The following NAALADL2 variants were observed in gnomAD, a reference collection of about 807,000 sequenced individuals.
NAALADL2 encodes the protein inactive N-acetylated-alpha-linked acidic dipeptidase-like protein 2.
Under a neutral mutation model 87.2 loss-of-function variants are expected in NAALADL2, and 76 were observed. The ratio of observed to expected loss-of-function variants is 0.87; its 90% CI spans 0.72 to 1.05. NAALADL2 has a LOEUF of 1.05. NAALADL2 is among the 50% of genes least tolerant of loss of function. The pLI, the probability that NAALADL2 is intolerant of heterozygous loss-of-function variation, is 0.00. For synonymous variants in NAALADL2, 354 were observed against 331.0 expected, an observed-to-expected ratio of 1.07 and a Z score of -0.75; for missense variants, 1,089 against 945.8, an observed-to-expected ratio of 1.15 and a Z score of -1.99.
At chr3:174,852,226 A>T (rs992697118) in intron 3 of NAALADL2, among the ~76,000 whole-genome samples, 1 of 152,130 alleles carries the variant, frequency 6.6e-6, no homozygotes, top group Non-Finnish European at 1.5e-5. Context: ...TGCCAGAACA[A>T]TTAGACAAGA....
At chr3:175,572,723 A>G (rs1326797108) in intron 9 of NAALADL2, among the ~76,000 whole-genome samples, 1 of 152,218 alleles carries the variant, frequency 6.6e-6, no homozygotes, top group Non-Finnish European at 1.5e-5. Flanking sequence ...TTCAGAAATA[A>G]CAGGCTGAGG....
At chr3:175,274,055 T>C (rs1016020419) in intron 4 of NAALADL2, among the ~76,000 whole-genome samples, 7 of 152,212 alleles carry the variant, frequency 4.6e-5, no homozygotes, top group African/African-American at 1.4e-4. Flanking sequence ...GTTCTCATAC[T>C]GCTAATAAAG....
intron 5 of NAALADL2, among the ~76,000 whole-genome samples, chr3:175,343,075 T>C (rs1762729855): frequency 6.6e-6 from 1 of 152,100 alleles, no homozygotes; most frequent in Non-Finnish European, 1.5e-5. Flanking sequence ...TAGCAGCCAC[T>C]ATTCTTTCTC....
chr3:174,836,312 C>T (rs567527247), intron 3 of NAALADL2, among the ~76,000 whole-genome samples: 5 of 151,988 alleles, frequency 3.3e-5, no homozygotes, highest in Admixed American at 1.3e-4. Context: ...AGTAGAAGGG[C>T]GTTACTGTAG....
At chr3:174,527,448 G>A (rs978707855) in intron 1 of NAALADL2, among the ~76,000 whole-genome samples, 57 of 151,898 alleles carry the variant, frequency 3.8e-4, no homozygotes, top group African/African-American at 1.2e-3. Context: ...GAATCTGGGA[G>A]GCAGAGGTTG....
chr3:175,694,058 T>C (rs1173483678), intron 11 of NAALADL2, among the ~76,000 whole-genome samples: 1 of 152,186 alleles, frequency 6.6e-6, no homozygotes, highest in Non-Finnish European at 1.5e-5. Context: ...TTTTAAAATG[T>C]CTACAAATGC....
At chr3:175,124,987 A>T (rs9850494) in intron 2 of NAALADL2, among the ~76,000 whole-genome samples, 1 of 151,524 alleles carries the variant, frequency 6.6e-6, no homozygotes, top group African/African-American at 2.4e-5. Flanking sequence ...CATGGGTGAA[A>T]TGAGTCAGAA....
chr3:174,905,454 A>C (rs1732852569), intron 1 of NAALADL2, among the ~76,000 whole-genome samples: 1 of 152,024 alleles, frequency 6.6e-6, no homozygotes, highest in South Asian at 2.1e-4. Flanking sequence ...TCGTAAAGTT[A>C]AATTGGCATC....
chr3:175,178,831 AT>A lies in NAALADL2; in HGVS notation c.546-55090del, dbSNP rs148156130. The stretch of plus-strand genomic sequence containing the variant: ...TTGGAAGAGATAGAAATGTTTTAGA[AT>A]TTTTTTTTTGTCTTCAAATAACATT... On this transcript the variant is annotated intron_variant, in intron 2 of 13. Coordinates refer to ENST00000454872, the MANE Select transcript of NAALADL2 (RefSeq NM_207015.3). Among the ~76,000 whole-genome samples the A allele has an allele frequency of 5.7e-4, 85 of 149,924 alleles. 1 individual carries two copies. The Middle Eastern group carries it at 0.01, about 18-fold the overall frequency.
chr3:175,338,624 CACA>C (rs1560388714), intron 5 of NAALADL2, among the ~76,000 whole-genome samples: 1 of 20,782 alleles, frequency 4.8e-5, no homozygotes, highest in East Asian at 0.018. Context: ...ACACCACAAA[CACA>C]CACACACACA....
At chr3:174,489,743 C>G (rs1718067311) in intron 1 of NAALADL2, among the ~76,000 whole-genome samples, 1 of 152,050 alleles carries the variant, frequency 6.6e-6, no homozygotes, top group African/African-American at 2.4e-5. Context: ...CATTACACAT[C>G]AGGGAATTGC....
At chr3:174,606,970 G>A (rs564720681) in intron 2 of NAALADL2, among the ~76,000 whole-genome samples, 2,573 of 152,180 alleles carry the variant, frequency 0.017, 70 homozygotes, top group African/African-American at 0.057. Flanking sequence ...CGGATCTCTC[G>A]GCAGAAACTC....
At chr3:174,862,184 G>A (rs1392934509) in intron 1 of NAALADL2, among the ~76,000 whole-genome samples, 3 of 152,054 alleles carry the variant, frequency 2.0e-5, no homozygotes, top group Non-Finnish European at 4.4e-5. Flanking sequence ...AGGAATAGGG[G>A]TAAGTGCTTT....
rs539856289 is a variant in NAALADL2, at chr3:175,405,305, G to A, written c.1091-41924G>A. On this transcript the variant is annotated intron_variant, in intron 5 of 13. Coordinates refer to ENST00000454872, the MANE Select transcript of NAALADL2 (RefSeq NM_207015.3). ...TAATTCAACATAATAAATAATTATT[G>A]TGGTGGTGTTCAGGTAGATACATGA... Among the ~76,000 whole-genome samples the A allele has an allele frequency of 8.6e-5, 13 of 152,004 alleles. No homozygotes were observed. In the East Asian group the frequency reaches 1.2e-3, roughly 14 times the overall value.
intron 12 of NAALADL2, among the ~76,000 whole-genome samples, chr3:175,749,140 CGGAGGGGAAGGGAGG>C (rs1474099609): frequency 8.2e-5 from 7 of 85,058 alleles, no homozygotes; most frequent in African/African-American, 2.4e-4. Flanking sequence ...GAGAAGGGAG[CGGAGGGGAAGGGAGG>C]GGAGGGGAAG....
At chr3:175,161,209 T>C (rs928759833) in intron 2 of NAALADL2, among the ~76,000 whole-genome samples, 8 of 152,092 alleles carry the variant, frequency 5.3e-5, no homozygotes, top group Admixed American at 6.6e-5. Flanking sequence ...GTCCAGGTTC[T>C]TGTCTGCAAG....
chr3:175,111,880 C>G (rs1373880358), intron 2 of NAALADL2, among the ~76,000 whole-genome samples: 2 of 151,586 alleles, frequency 1.3e-5, no homozygotes, highest in Non-Finnish European at 3.0e-5. Flanking sequence ...ATCACAGCAA[C>G]ACAACCAATT....
chr3:174,838,702 G>A (rs1579145813), intron 3 of NAALADL2, among the ~76,000 whole-genome samples: 1 of 151,966 alleles, frequency 6.6e-6, no homozygotes, highest in Non-Finnish European at 1.5e-5. Context: ...CACCAATAGC[G>A]ACCAATTGGA....
In NAALADL2 at chr3:174,559,366, G is replaced by A. The variant is rs978335135; in HGVS notation, c.-115+8729G>A. Reference sequence around the variant, plus strand: ...ATTATATATGCTTCAGAAGGAATTTGCAAGACAATTGAAGTAATTTGCTTA... The same window carrying A: ...ATTATATATGCTTCAGAAGGAATTTACAAGACAATTGAAGTAATTTGCTTA... On this transcript the variant is annotated intron_variant, in intron 2 of 3. Transcript: ENST00000434257. 5.9e-5 allele frequency among the ~76,000 whole-genome samples: 9 copies of A among 152,262 alleles called. No individual in the cohort carries two copies. The East Asian group carries it at 1.5e-3, about 26-fold the overall frequency.
Sources: allele counts gnomAD v4.1 joint callset (sites outside exome capture counted in the v4.1 genomes callset), GRCh38; gene constraint gnomAD v4.1.1; transcripts MANE v1.5; gene names NCBI Gene and HGNC (gene_info 2026-07-23, HGNC 2026-07-21).